Variants in ZNF420 observed in about 807,000 individuals in gnomAD.
ZNF420 encodes the protein ATM and p53-associated KZNF protein.
A neutral mutation model predicts 44.7 loss-of-function variants in ZNF420; 31 were observed. That is an observed-to-expected ratio of 0.69 (90% CI 0.52 to 0.94). The LOEUF is 0.94. Among genes scored for constraint, ZNF420 ranks in the 40% least tolerant of loss-of-function variants. ZNF420 has a pLI of 0.00. For missense variants in ZNF420, 681 were observed against 827.9 expected, an observed-to-expected ratio of 0.82 and a Z score of 2.18; for synonymous variants, 245 against 267.4, an observed-to-expected ratio of 0.92 and a Z score of 0.82.
intron 1 of ZNF420, among the ~76,000 whole-genome samples, chr19:37,040,263 A>G (rs1041143917): frequency 1.3e-5 from 2 of 152,154 alleles, no homozygotes; most frequent in African/African-American, 4.8e-5. Context: ...TTCCTTAAAC[A>G]TCGTGAACCA....
At chr19:37,015,237 ACT>A (rs1408395922) in intron 1 of ZNF420, among the ~76,000 whole-genome samples, 1 of 151,470 alleles carries the variant, frequency 6.6e-6, no homozygotes, top group Non-Finnish European at 1.5e-5. Context: ...GATGCTCCTC[ACT>A]CTGTGGCTCC....
chr19:37,087,188 G>A (rs1386874689), intron 2 of ZNF420, among the ~76,000 whole-genome samples: 2 of 151,810 alleles, frequency 1.3e-5, no homozygotes, highest in African/African-American at 2.4e-5. Flanking sequence ...CGAAGGCTGA[G>A]GAGGGAGGAT....
chr19:37,037,004 C>G (rs1967366906), intron 1 of ZNF420, among the ~76,000 whole-genome samples: 1 of 152,206 alleles, frequency 6.6e-6, no homozygotes, highest in Non-Finnish European at 1.5e-5. Flanking sequence ...CCAGGCCAAA[C>G]TTTTCCCTTT....
chr19:37,080,085 C>A (rs543236395), intron 1 of ZNF420, among the ~76,000 whole-genome samples: 1 of 152,162 alleles, frequency 6.6e-6, no homozygotes, highest in Non-Finnish European at 1.5e-5. Flanking sequence ...GACAGCCACC[C>A]AGTTCTGAAC....
chr19:37,015,358 C>T (rs1189289184), intron 1 of ZNF420, among the ~76,000 whole-genome samples: 4 of 152,068 alleles, frequency 2.6e-5, no homozygotes, highest in East Asian at 1.9e-4. Context: ...CTCCCCACCC[C>T]GGGGAGCCAC....
In ZNF420 at chr19:37,129,044, C is replaced by G. The variant is rs1290886055; in HGVS notation, c.2053C>G (p.Gln685Glu). Residue 685 changes from glutamine (Q) to glutamate (E), a missense_variant, in exon 5 of 5, where the codon CAA (glutamine) becomes GAA (glutamate). Coordinates refer to ENST00000337995, the MANE Select transcript of ZNF420 (RefSeq NM_144689.5). ...ECGIDFSHGS[Q>E]VYM ...TGGGATTGACTTTAGTCATGGCTCA[C>G]AAGTTTACATGTGAATTGTCTGATT... The G allele has an allele frequency of 3.1e-6, 5 of 1,610,540 alleles. No individual in the cohort carries two copies. The highest frequency in any genetic ancestry group is 4.2e-6 in the Non-Finnish European group (5 of 1,177,276).
intron 2 of ZNF420, among the ~76,000 whole-genome samples, chr19:37,082,104 C>A (rs1480270710): frequency 6.6e-6 from 1 of 152,112 alleles, no homozygotes; most frequent in Non-Finnish European, 1.5e-5. Flanking sequence ...GCATTTCTTA[C>A]AGGCAGCATG....
At chr19:37,069,994 A>G (rs1360344834) in intron 1 of ZNF420, among the ~76,000 whole-genome samples, 1 of 152,170 alleles carries the variant, frequency 6.6e-6, no homozygotes. Context: ...GGATTAATAA[A>G]GTCTCAAATA....
At chr19:37,105,019 A>C (rs1368971328) in intron 4 of ZNF420, among the ~76,000 whole-genome samples, 1 of 152,004 alleles carries the variant, frequency 6.6e-6, no homozygotes, top group Non-Finnish European at 1.5e-5. Context: ...CCCATTTGTC[A>C]ATTTTGGCTT....
chr19:37,008,227 A>G (rs930767535), intron 1 of ZNF420: 5 of 283,426 alleles, frequency 1.8e-5, no homozygotes, highest in Admixed American at 5.1e-5. Flanking sequence ...GCGGGGGGGG[A>G]TGTTTGTGTA....
intron 1 of ZNF420, among the ~76,000 whole-genome samples, chr19:37,071,846 G>A (rs1443732750): frequency 1.3e-5 from 2 of 151,890 alleles, no homozygotes; most frequent in Non-Finnish European, 2.9e-5. Context: ...TTGGTACACA[G>A]GTTTTTGCTG....
At chr19:37,012,688 C>T (rs919718124) in intron 1 of ZNF420, among the ~76,000 whole-genome samples, 2 of 151,892 alleles carry the variant, frequency 1.3e-5, no homozygotes, top group South Asian at 2.1e-4. Context: ...ACCCGAGAGT[C>T]GTTCTTCTGG....
intron 1 of ZNF420, among the ~76,000 whole-genome samples, chr19:37,010,037 C>A (rs1043476594): frequency 1.3e-5 from 2 of 152,204 alleles, no homozygotes; most frequent in African/African-American, 2.4e-5. Context: ...AGCCTGAGTT[C>A]CAGGAGCAGA....
chr19:37,073,852 G>T (rs541367387), upstream of ZNF420, among the ~76,000 whole-genome samples: 2 of 151,886 alleles, frequency 1.3e-5, no homozygotes, highest in African/African-American at 4.8e-5. Flanking sequence ...ATGGGGACAC[G>T]GGCACCAGCG....
chr19:37,125,723 A>G (rs907399124), intron 4 of ZNF420, among the ~76,000 whole-genome samples: 7 of 152,298 alleles, frequency 4.6e-5, no homozygotes, highest in East Asian at 1.9e-4. Context: ...CAGTCCTTGG[A>G]TAACATTATA....
chr19:37,043,697 T>C (rs902680034), intron 1 of ZNF420, among the ~76,000 whole-genome samples: 2 of 152,136 alleles, frequency 1.3e-5, no homozygotes, highest in Non-Finnish European at 2.9e-5. Context: ...GGTCTAGAAC[T>C]CCTGACCTCA....
intron 4 of ZNF420, among the ~76,000 whole-genome samples, chr19:37,124,598 T>A (rs901684745): frequency 1.3e-5 from 2 of 152,256 alleles, no homozygotes; most frequent in African/African-American, 4.8e-5. Flanking sequence ...TTTCTTGATC[T>A]GTATTTCTAA....
chr19:37,087,288 AAAAAAT>A (rs1968850062), intron 2 of ZNF420, among the ~76,000 whole-genome samples: 1 of 58,470 alleles, frequency 1.7e-5, no homozygotes, highest in African/African-American at 7.2e-5. Context: ...GTCTCAAAAA[AAAAAAT>A]AAATAAATAA....
intron 1 of ZNF420, among the ~76,000 whole-genome samples, chr19:37,071,709 G>T (rs749160996): frequency 1.5e-4 from 23 of 152,238 alleles, no homozygotes; most frequent in Non-Finnish European, 2.9e-4. Flanking sequence ...GCTGAGGCAG[G>T]AGAATCGCTT....
Sources: allele counts gnomAD v4.1 joint callset (sites outside exome capture counted in the v4.1 genomes callset), GRCh38; gene constraint gnomAD v4.1.1; transcripts MANE v1.5; gene names NCBI Gene and HGNC (gene_info 2026-07-23, HGNC 2026-07-21).